Variants in MTNAP1 observed in about 807,000 individuals in gnomAD.
MTNAP1 encodes mitochondrial nucleoid-associated protein 1.
chr17:73,248,831 C>T, the MTNAP1 span: 1 of 341,286 alleles, frequency 2.9e-6, no homozygotes, highest in Non-Finnish European at 5.3e-6. Context: ...TTCTAATGCA[C>T]ATTAAAATTT....
At chr17:73,238,261 ATTGTAAAGTAGCATACCTGTCGT>A in the MTNAP1 span, among the ~76,000 whole-genome samples, 76,534 of 151,730 alleles carry the variant, frequency 0.5, 19,470 homozygotes, top group East Asian at 0.62. Context: ...GGGCAGGGTG[ATTGTAAAGTAGCATACCTGTCGT>A]TTGTAAAGTA....
the MTNAP1 span, chr17:73,237,031 T>G: frequency 6.7e-7 from 1 of 1,494,220 alleles, no homozygotes; most frequent in Non-Finnish European, 8.9e-7. Flanking sequence ...ATCTGTCCCA[T>G]CCAAAATGCT....
the MTNAP1 span, chr17:73,243,077 A>ATTTTTTTTTTTTTTTTTTT: frequency 4.6e-6 from 2 of 438,588 alleles, no homozygotes; most frequent in Admixed American, 4.2e-5. Flanking sequence ...GATTCTCTGA[A>ATTTTTTTTTTTTTTTTTTT]TTTTTTTTTT....
the MTNAP1 span, among the ~76,000 whole-genome samples, chr17:73,245,931 T>G: frequency 6.6e-6 from 1 of 152,164 alleles, no homozygotes; most frequent in African/African-American, 2.4e-5. Context: ...TACTGAGAAA[T>G]TCCTCTCCAT....
chr17:73,235,995 G>A, the MTNAP1 span: 28 of 1,614,060 alleles, frequency 1.7e-5, no homozygotes, highest in East Asian at 1.1e-4. Flanking sequence ...AAGCTGGAGC[G>A]TCTTTACTGG....
the MTNAP1 span, chr17:73,236,146 G>T: frequency 3.7e-6 from 6 of 1,614,004 alleles, no homozygotes; most frequent in Non-Finnish European, 5.1e-6. Context: ...AAAATTACTA[G>T]ATGTGCCTAC....
chr17:73,242,365 TTGAC>T, the MTNAP1 span: 25 of 1,512,772 alleles, frequency 1.7e-5, no homozygotes, highest in East Asian at 4.9e-4. Flanking sequence ...AGGCTGGAGT[TTGAC>T]TGTTGTCTTC....
the MTNAP1 span, chr17:73,233,328 A>G: frequency 6.6e-6 from 1 of 152,224 alleles, no homozygotes; most frequent in Non-Finnish European, 1.5e-5. Flanking sequence ...GAGCTCGGGT[A>G]AGAAAACAGA....
At chr17:73,236,617 C>A in the MTNAP1 span, 1 of 1,614,190 alleles carries the variant, frequency 6.2e-7, no homozygotes, top group Non-Finnish European at 8.5e-7. Flanking sequence ...TCTTGCCTCT[C>A]TAGCTACAAC....
At chr17:73,242,494 G>A in the MTNAP1 span, 3 of 555,306 alleles carry the variant, frequency 5.4e-6, no homozygotes, top group Non-Finnish European at 9.3e-6. Flanking sequence ...CCATTTGTCT[G>A]TGTTCATTTT....
the MTNAP1 span, among the ~76,000 whole-genome samples, chr17:73,244,180 T>C: frequency 1.3e-5 from 2 of 152,250 alleles, no homozygotes; most frequent in African/African-American, 4.8e-5. Context: ...ATTAAAAAAA[T>C]CCTTCTAGTT....
chr17:73,236,573 A>G, the MTNAP1 span: 2 of 1,614,222 alleles, frequency 1.2e-6, no homozygotes, highest in Non-Finnish European at 8.5e-7. Flanking sequence ...ACGACTTACC[A>G]GTTTCATTCT....
chr17:73,247,351 TTAAG>T, the MTNAP1 span: 2 of 1,614,056 alleles, frequency 1.2e-6, no homozygotes, highest in South Asian at 1.1e-5. Flanking sequence ...GGAAGCACGT[TTAAG>T]TAGGAGAAGC....
the MTNAP1 span, among the ~76,000 whole-genome samples, chr17:73,233,732 C>T: frequency 6.6e-5 from 10 of 152,116 alleles, no homozygotes; most frequent in Non-Finnish European, 1.5e-4. Context: ...GGCGTGGTGG[C>T]GCACGCCCTT....
the MTNAP1 span, chr17:73,237,056 A>T: frequency 7.0e-7 from 1 of 1,423,098 alleles, no homozygotes; most frequent in Non-Finnish European, 9.4e-7. Flanking sequence ...CTGCCTTTTG[A>T]ATTTATAAGG....
the MTNAP1 span, chr17:73,243,088 T>TGA: frequency 2.0e-6 from 2 of 997,640 alleles, no homozygotes; most frequent in East Asian, 2.7e-5. Flanking sequence ...TTTTTTTTTT[T>TGA]TTTTTTTTTT....
the MTNAP1 span, chr17:73,235,827 A>T: frequency 6.2e-7 from 1 of 1,614,206 alleles, no homozygotes; most frequent in South Asian, 1.1e-5. Flanking sequence ...TCAAGAATCC[A>T]ATCCAACCAT....
chr17:73,236,971 C>T, the MTNAP1 span: 1 of 1,581,594 alleles, frequency 6.3e-7, no homozygotes, highest in Non-Finnish European at 8.6e-7. Context: ...ACTTATCAGT[C>T]CCCAGGGGGA....
At chr17:73,243,502 T>C in the MTNAP1 span, among the ~76,000 whole-genome samples, 2 of 151,866 alleles carry the variant, frequency 1.3e-5, no homozygotes, top group Admixed American at 6.6e-5. Flanking sequence ...TGTATAAGAT[T>C]TGACTAGAAT....
Sources: allele counts gnomAD v4.1 joint callset (sites outside exome capture counted in the v4.1 genomes callset), GRCh38; gene constraint gnomAD v4.1.1; transcripts MANE v1.5; gene names NCBI Gene and HGNC (gene_info 2026-07-23, HGNC 2026-07-21).